The following ICA1L variants were observed in gnomAD, a reference collection of about 807,000 sequenced individuals.
The protein encoded by ICA1L is islet cell autoantigen 1 like.
In ICA1L, 50 loss-of-function variants were observed where a neutral mutation model predicts 61.3. The ratio of observed to expected loss-of-function variants is 0.82; its 90% CI spans 0.65 to 1.03. ICA1L has a LOEUF of 1.03. Among genes scored for constraint, ICA1L ranks in the 50% least tolerant of loss-of-function variants. The probability of loss-of-function intolerance (pLI) is 0.00; values close to 1 mark genes in which losing one functional copy is unlikely to be tolerated. For missense variants in ICA1L, 508 were observed against 556.7 expected (o/e 0.91, Z 0.88); for synonymous variants, 161 against 191.3 (o/e 0.84, Z 1.31).
chr2:202,795,008 TA>T (rs147407377), intron 10 of ICA1L, among the ~76,000 whole-genome samples: 1 of 138,928 alleles, frequency 7.2e-6, no homozygotes, highest in Non-Finnish European at 1.5e-5. Flanking sequence ...AAGAAAATAA[TA>T]AAAAAAAAAG....
Position 202,825,582 on chromosome 2 carries a change from T to A in ICA1L, c.235+113A>T, listed in dbSNP as rs1483140859. 36 of 1,318,810 alleles carry A rather than the reference T, an allele frequency of 2.7e-5. 1 individual carries two copies. In the East Asian group the frequency reaches 1.1e-3, roughly 39 times the overall value. 81.7% of individuals were successfully genotyped at this position (1,318,810 alleles called of 1,614,324 possible). On this transcript the variant is annotated intron_variant, in intron 3 of 12. Coordinates refer to ENST00000358299, the MANE Select transcript of ICA1L (RefSeq NM_001288622.3). ...AACAGGTAACTGTAAATATTCATAT[T>A]TTGCCATAAGAAGCTATTCACAAAA...
intron 1 of ICA1L, among the ~76,000 whole-genome samples, chr2:202,869,295 T>C (rs949294790): frequency 6.6e-6 from 1 of 152,052 alleles, no homozygotes; most frequent in South Asian, 2.1e-4. Context: ...GAGGCGGAGC[T>C]TGCAGTGAGC....
At chr2:202,859,683 A>T (rs1374533281) in intron 1 of ICA1L, among the ~76,000 whole-genome samples, 1 of 152,224 alleles carries the variant, frequency 6.6e-6, no homozygotes, top group African/African-American at 2.4e-5. Context: ...TTCTTATGAA[A>T]GGACTAGATC....
At chr2:202,822,237 C>T (rs752891007) in intron 3 of ICA1L, among the ~76,000 whole-genome samples, 5 of 152,148 alleles carry the variant, frequency 3.3e-5, no homozygotes, top group Non-Finnish European at 7.3e-5. Flanking sequence ...TCATAGCTCA[C>T]TGCAACCTCG....
In ICA1L at chr2:202,788,890, A is replaced by T; in HGVS notation, c.1183T>A (p.Ser395Thr). The change falls in exon 11 of 13, where the codon TCT becomes ACT. Residue 395 changes from serine to threonine, a missense_variant. Coordinates refer to ENST00000358299, the MANE Select transcript of ICA1L (RefSeq NM_001288622.3). ...AAGAGTTGTGAAGGAAGGAATCGAG[A>T]AGAATGAGCGAGGGGCTCAGACCCC... Reference protein sequence around the residue: ...SMGSEPLAHSSRFLPSQLFDL... With the variant: ...SMGSEPLAHSTRFLPSQLFDL... The T allele has an allele frequency of 6.2e-7, 1 of 1,614,174 alleles. No homozygotes were observed. Among genetic ancestry groups the T allele is most frequent in the Non-Finnish European group, 8.5e-7 (1 of 1,180,018 alleles).
chr2:202,814,808 A>G (rs757942746), intron 7 of ICA1L, 24 bp from the exon 8 acceptor site: 9 of 1,435,186 alleles, frequency 6.3e-6, no homozygotes, highest in Non-Finnish European at 8.8e-6. Context: ...AGTCAATGTT[A>G]AGTATATAGA....
intron 1 of ICA1L, among the ~76,000 whole-genome samples, chr2:202,852,835 A>G (rs1694667396): frequency 6.7e-6 from 1 of 150,360 alleles, no homozygotes; most frequent in South Asian, 2.1e-4. Flanking sequence ...GAAAATGCTC[A>G]TCATCACTGG....
chr2:202,836,112 A>C (rs1480828295), intron 1 of ICA1L, among the ~76,000 whole-genome samples: 1 of 152,142 alleles, frequency 6.6e-6, no homozygotes, highest in Non-Finnish European at 1.5e-5. Flanking sequence ...CAGAAAAAAA[A>C]ACTTTCAATT....
intron 3 of ICA1L, among the ~76,000 whole-genome samples, chr2:202,823,988 T>C (rs1693766572): frequency 6.6e-6 from 1 of 152,182 alleles, no homozygotes. Context: ...TATAAAGCAA[T>C]GAGATTAATT....
Position 202,825,737 on chromosome 2 carries a change from C to CAGT in ICA1L, c.190_192dup (p.Thr64dup). 6.3e-7 allele frequency: 1 copy of CAGT among 1,586,038 alleles called. No homozygotes were observed. The highest frequency in any genetic ancestry group is 1.1e-5 in the South Asian group (1 of 89,256). Reference sequence around the variant, plus strand: ...TATTTCTCGATTATCTTCAGAAGTTCAGTGCATGTCTCTTGAACAGAGTGA... The same window carrying CAGT: ...TATTTCTCGATTATCTTCAGAAGTTCAGTAGTGCATGTCTCTTGAACAGAGTGA... On this transcript the variant is annotated inframe_insertion, in exon 3 of 13. Transcript: ENST00000358299.
intron 1 of ICA1L, among the ~76,000 whole-genome samples, chr2:202,852,860 C>T (rs946277295): frequency 4.0e-5 from 6 of 150,280 alleles, no homozygotes; most frequent in Admixed American, 6.6e-5. Context: ...CAGAGAAATG[C>T]ATATGACCAA....
chr2:202,869,776 T>C (rs1017594700), intron 1 of ICA1L, among the ~76,000 whole-genome samples: 4 of 152,112 alleles, frequency 2.6e-5, no homozygotes, highest in African/African-American at 7.2e-5. Flanking sequence ...TAGTGTTACA[T>C]GCAAGTGAGT....
chr2:202,836,570 A>G (rs531374480), intron 1 of ICA1L, among the ~76,000 whole-genome samples: 214 of 152,176 alleles, frequency 1.4e-3, no homozygotes, highest in African/African-American at 4.8e-3. Flanking sequence ...GAGTTTCAGA[A>G]GGATTGGTTT....
intron 5 of ICA1L, among the ~76,000 whole-genome samples, chr2:202,818,153 GA>G (rs1693591442): frequency 6.6e-6 from 1 of 151,628 alleles, no homozygotes; most frequent in South Asian, 2.1e-4. Context: ...GGAGGCACAG[GA>G]AAAAAAAGAA....
intron 10 of ICA1L, among the ~76,000 whole-genome samples, chr2:202,792,161 C>G (rs1692774703): frequency 1.3e-5 from 2 of 152,058 alleles, no homozygotes; most frequent in South Asian, 4.1e-4. Flanking sequence ...GAGCGAGACT[C>G]CATCTCAAAA....
At chr2:202,861,663 G>A (rs1251551104) in intron 1 of ICA1L, among the ~76,000 whole-genome samples, 1 of 151,456 alleles carries the variant, frequency 6.6e-6, no homozygotes, top group Non-Finnish European at 1.5e-5. Context: ...GAGGCGGGCG[G>A]ATCACTTGAG....
intron 12 of ICA1L, among the ~76,000 whole-genome samples, chr2:202,780,102 A>G (rs1692354442): frequency 6.6e-6 from 1 of 152,140 alleles, no homozygotes; most frequent in Non-Finnish European, 1.5e-5. Context: ...CTTATAGAAG[A>G]CTCTCAGATA....
At position 202,841,700 on chromosome 2, in the gene ICA1L, G is replaced by T. The variant is rs1033963938; in HGVS notation, c.-7-12684C>A. Reference sequence around the variant, plus strand: ...GCAGGCACCGGGCCCACGCGCATAGGAGCAGTTGCCGAAGGCCTGGGGGCC... The same window carrying T: ...GCAGGCACCGGGCCCACGCGCATAGTAGCAGTTGCCGAAGGCCTGGGGGCC... On this transcript the variant is annotated intron_variant, in intron 1 of 12. Transcript: ENST00000358299. 5.7e-6 allele frequency: 3 copies of T among 529,608 alleles called. No homozygotes were observed. In the Admixed American group the frequency reaches 6.7e-5, roughly 12 times the overall value. 32.8% of individuals were successfully genotyped at this position (529,608 alleles called of 1,614,324 possible).
chr2:202,817,283 C>T (rs1198331074), intron 6 of ICA1L, 135 bp downstream of exon 6: 1 of 728,432 alleles, frequency 1.4e-6, no homozygotes. Context: ...GACTCTCTGA[C>T]TTTCATAACC....
Sources: allele counts gnomAD v4.1 joint callset (sites outside exome capture counted in the v4.1 genomes callset), GRCh38; gene constraint gnomAD v4.1.1; transcripts MANE v1.5; gene names NCBI Gene and HGNC (gene_info 2026-07-23, HGNC 2026-07-21).